The following ACAD9 variants were observed in gnomAD, a reference collection of about 807,000 sequenced individuals.
ACAD9 encodes complex I assembly factor ACAD9, mitochondrial.
Under a neutral mutation model 70.2 loss-of-function variants are expected in ACAD9, and 53 were observed. That is an observed-to-expected ratio of 0.75 (90% CI 0.61 to 0.95). The LOEUF is 0.95. ACAD9 is among the 40% of genes least tolerant of loss of function. ACAD9 has a pLI of 0.00. For synonymous variants in ACAD9, 313 were observed against 312.1 expected, an observed-to-expected ratio of 1.00 and a Z score of -0.03; for missense variants, 777 against 802.8, an observed-to-expected ratio of 0.97 and a Z score of 0.39.
chr3:128,880,222 C>T, intron 1 of ACAD9: 1 of 378,958 alleles, frequency 2.6e-6, no homozygotes, highest in Non-Finnish European at 4.9e-6. Context: ...CACCTTCCAG[C>T]GCCCTGGGGC....
chr3:128,906,362 T>G, intron 12 of ACAD9, 113 bp downstream of exon 12: 1 of 1,491,738 alleles, frequency 6.7e-7, no homozygotes, highest in Non-Finnish European at 9.1e-7. Context: ...GGTCGCATGC[T>G]CTCAGGGGCT....
intron 12 of ACAD9, among the ~76,000 whole-genome samples, chr3:128,906,557 G>A (rs1449241238): frequency 6.6e-6 from 1 of 152,208 alleles, no homozygotes; most frequent in East Asian, 1.9e-4. Flanking sequence ...GTGTAAAGAG[G>A]CAGGGAGCGG....
chr3:128,893,682 C>T (rs370256195), intron 3 of ACAD9, 26 bp downstream of exon 3: 46 of 1,580,470 alleles, frequency 2.9e-5, no homozygotes, highest in Non-Finnish European at 3.7e-5. Flanking sequence ...AAGCACCCAG[C>T]CAGTTTAGCT....
intron 11 of ACAD9, among the ~76,000 whole-genome samples, chr3:128,905,181 G>A (rs895745632): frequency 1.1e-4 from 16 of 152,050 alleles, no homozygotes; most frequent in Admixed American, 6.6e-5. Context: ...ACATGTATGA[G>A]CCTGGGCAAC....
chr3:128,905,151 AAAAAAACAAAAAAC>A (rs562486338), intron 11 of ACAD9, among the ~76,000 whole-genome samples: 2 of 151,816 alleles, frequency 1.3e-5, no homozygotes, highest in Admixed American at 6.6e-5. Flanking sequence ...TCCATCTCAA[AAAAAAACAAAAAAC>A]AAAAAACATG....
intron 7 of ACAD9, 25 bp downstream of exon 7, chr3:128,899,486 C>A: frequency 1.2e-6 from 2 of 1,607,588 alleles, no homozygotes; most frequent in Non-Finnish European, 1.7e-6. Context: ...TGCGCGCGTG[C>A]GCGTGTGTGT....
intron 12 of ACAD9, 44 bp from the exon 13 acceptor site, chr3:128,908,137 GCTGC>G: frequency 6.3e-7 from 1 of 1,590,052 alleles, no homozygotes; most frequent in East Asian, 2.2e-5. Flanking sequence ...CACTACCATG[GCTGC>G]CTGGCCGGGG....
In ACAD9 at chr3:128,902,725, A is replaced by G. The variant is rs1372110144; in HGVS notation, c.958+97A>G. The G allele has an allele frequency of 4.4e-6, 6 of 1,367,380 alleles. No individual in the cohort carries two copies. The highest frequency in any genetic ancestry group is 6.1e-6 in the Non-Finnish European group (6 of 977,080). 84.7% of individuals were successfully genotyped at this position (1,367,380 alleles called of 1,614,324 possible). On this transcript the variant is annotated intron_variant, in intron 9 of 17. Coordinates refer to ENST00000308982, the MANE Select transcript of ACAD9 (RefSeq NM_014049.5). The surrounding 1 kb of genome is among the most constrained non-coding windows in gnomAD (Gnocchi z 4.0). ...CCATTCCCCCGGCCCCTTCCAGGCCAGTGCTGAACCAGGCTACCAGCCTGA... is the reference window on the plus strand; with the variant it reads ...CCATTCCCCCGGCCCCTTCCAGGCCGGTGCTGAACCAGGCTACCAGCCTGA...
At chr3:128,880,248 A>G (rs1447047297) in intron 1 of ACAD9, 2 of 354,102 alleles carry the variant, frequency 5.6e-6, no homozygotes, top group African/African-American at 4.3e-5. Flanking sequence ...TCCCCAGGTG[A>G]GCCCAGCGCC....
At chr3:128,886,081 A>G (rs1935237177) in intron 2 of ACAD9, among the ~76,000 whole-genome samples, 1 of 151,010 alleles carries the variant, frequency 6.6e-6, no homozygotes, top group Admixed American at 6.6e-5. Flanking sequence ...ACATGTTAAC[A>G]TAATATTTTT....
intron 12 of ACAD9, 130 bp from the exon 13 acceptor site, chr3:128,908,055 G>C (rs1228354702): frequency 1.1e-6 from 1 of 873,778 alleles, no homozygotes; most frequent in African/African-American, 1.6e-5. Context: ...CCTGCTCCCA[G>C]CTACTTCAGG....
At position 128,908,239 on chromosome 3, in the gene ACAD9, G is replaced by A. The variant is rs557090109; in HGVS notation, c.1333G>A (p.Gly445Ser). 1.2e-5 allele frequency: 20 copies of A among 1,614,156 alleles called. No individual in the cohort carries two copies. The highest frequency in any genetic ancestry group is 3.3e-5 in the Admixed American group (2 of 60,024). The change falls in exon 13 of 18, where the codon GGC becomes AGC. Residue 445 changes from glycine (G) to serine (S), a missense_variant. By Grantham distance (56) the Gly-to-Ser change is moderately conservative (BLOSUM62 0). Coordinates refer to ENST00000308982, the MANE Select transcript of ACAD9 (RefSeq NM_014049.5). ...YIALTGLQHA[G>S]RILTTRIHEL... Reference sequence around the variant, plus strand: ...CGCCCTGACGGGTCTGCAGCATGCCGGCCGCATCCTGACTACCAGGATCCA... The same window carrying A: ...CGCCCTGACGGGTCTGCAGCATGCCAGCCGCATCCTGACTACCAGGATCCA...
At chr3:128,880,275 G>T (rs1021899310) in intron 1 of ACAD9, among the ~76,000 whole-genome samples, 12 of 152,166 alleles carry the variant, frequency 7.9e-5, no homozygotes, top group Non-Finnish European at 1.0e-4. Context: ...TGCCATTGAG[G>T]TTCCTCAGAA....
At chr3:128,889,321 CAG>C (rs1362172206) in intron 2 of ACAD9, among the ~76,000 whole-genome samples, 1 of 152,068 alleles carries the variant, frequency 6.6e-6, no homozygotes, top group Non-Finnish European at 1.5e-5. Flanking sequence ...GCCTACTGTA[CAG>C]GTTTGCAGCC....
Position 128,904,127 on chromosome 3 carries a change from A to AT in ACAD9, c.1026dup (p.Gln343SerfsTer54). On this transcript the variant is annotated frameshift_variant, in exon 10 of 18. Transcript: ENST00000308982. LOFTEE classifies it high-confidence loss of function. The stretch of plus-strand genomic sequence containing the variant: ...CAAGAGGCTCAGTGAATTTGGATTG[A>AT]TTCAGGTACCAATGGTTGAGTACTG... The AT allele has an allele frequency of 6.2e-7, 1 of 1,614,168 alleles. No individual in the cohort carries two copies. Among genetic ancestry groups the AT allele is most frequent in the Non-Finnish European group, 8.5e-7 (1 of 1,179,974 alleles).
chr3:128,909,714 G>T (rs1936060082), intron 15 of ACAD9: 3 of 600,512 alleles, frequency 5.0e-6, no homozygotes, highest in East Asian at 5.6e-5. Context: ...TGAATCTAGG[G>T]ACCTGATTGG....
At chr3:128,909,859 G>C in intron 15 of ACAD9, 162 bp from the exon 16 acceptor site, 1 of 968,486 alleles carries the variant, frequency 1.0e-6, no homozygotes, top group Non-Finnish European at 1.6e-6. Context: ...ACAGAAGGTG[G>C]CTGGGAGCCG....
At chr3:128,888,434 C>T (rs925021584) in intron 2 of ACAD9, among the ~76,000 whole-genome samples, 1 of 152,092 alleles carries the variant, frequency 6.6e-6, no homozygotes, top group Non-Finnish European at 1.5e-5. Context: ...TAAAAATTAA[C>T]CAGGTGTGTT....
In ACAD9 at chr3:128,902,505, C is replaced by T. The variant is rs369353021; in HGVS notation, c.883-48C>T. The T allele has an allele frequency of 1.3e-5, 21 of 1,606,014 alleles. No individual in the cohort carries two copies. Among genetic ancestry groups the T allele is most frequent in the African/African-American group, 2.7e-5 (2 of 74,790 alleles). ...TGGCCTGGTTTCGTTGCGGCCTCCT[C>T]CCTCTGCCTCCTTCAGGGCCCCTGG... On this transcript the variant is annotated intron_variant, in intron 8 of 17. Transcript: ENST00000308982. This position sits in a 1 kb window ranked among gnomAD's most constrained non-coding sequence, Gnocchi z 4.0.
Sources: gnomAD v4.1 joint callset for allele counts (sites outside exome capture counted in the v4.1 genomes callset) on GRCh38, gnomAD v4.1.1 for gene constraint, Gnocchi (gnomAD v3.1) non-coding constraint, MANE v1.5 for transcripts, NCBI Gene and HGNC (gene_info 2026-07-23, HGNC 2026-07-21) for gene names.